AFF2: variants seen among roughly 807,000 people sequenced by gnomAD.
AFF2 encodes ALF transcription elongation factor 2.
AFF2 carries 14 observed loss-of-function variants against 76.9 expected under a neutral mutation model. The observed-to-expected ratio is 0.18, with a 90% CI of 0.12 to 0.28. The LOEUF is 0.28. AFF2 is among the 10% of genes least tolerant of loss of function. The pLI, the probability that AFF2 is intolerant of heterozygous loss-of-function variation, is 1.00. For missense variants in AFF2, 868 were observed against 1,001.1 expected (o/e 0.87, Z 1.79); for synonymous variants, 398 against 366.7 (o/e 1.09, Z -0.98).
intron 3 of AFF2, among the ~76,000 whole-genome samples, chrX:148,762,420 T>TATATATATATATATATATATATATACAC (rs1225408056): frequency 2.0e-5 from 2 of 101,121 alleles, no homozygotes; most frequent in African/African-American, 8.9e-5. Context: ...TATATATATA[T>TATATATATATATATATATATATATACAC]ACACATGCAC....
chrX:148,613,421 C>T (rs927040443), intron 1 of AFF2, among the ~76,000 whole-genome samples: 11 of 111,534 alleles, frequency 9.9e-5, no homozygotes, highest in African/African-American at 2.3e-4. Context: ...TGCTTGTCTA[C>T]GGATTGATCT....
intron 15 of AFF2, among the ~76,000 whole-genome samples, chrX:148,968,858 C>T (rs1557289176): frequency 8.9e-6 from 1 of 112,016 alleles, no homozygotes; most frequent in Non-Finnish European, 1.9e-5. Flanking sequence ...TGCCTGTGAC[C>T]ATTGTATAGG....
intron 3 of AFF2, among the ~76,000 whole-genome samples, chrX:148,798,485 G>A (rs950950377): frequency 1.8e-5 from 2 of 112,290 alleles, no homozygotes; most frequent in Non-Finnish European, 3.8e-5. Flanking sequence ...TTTGTCATTT[G>A]GGATTATTTC....
chrX:148,987,744 A>C (rs1428867065), intron 20 of AFF2, among the ~76,000 whole-genome samples, 187 bp downstream of exon 20: 1 of 111,662 alleles, frequency 9.0e-6, no homozygotes, highest in Non-Finnish European at 1.9e-5. Flanking sequence ...AGCATAAAAA[A>C]GCCCCGGAAT....
In AFF2 at chrX:148,930,944, T is replaced by C. The variant is rs973655303; in HGVS notation, c.1398-22636T>C. Among the ~76,000 whole-genome samples the C allele has an allele frequency of 6.2e-5, 7 of 112,055 alleles. No individual in the cohort carries two copies. The South Asian group carries it at 2.2e-3, about 36-fold the overall frequency. ...TACCACATTTTACAACTGGTTGTGCTAAGTGGACATTTAAGAATTCATATG... is the reference window on the plus strand; with the variant it reads ...TACCACATTTTACAACTGGTTGTGCCAAGTGGACATTTAAGAATTCATATG... On this transcript the variant is annotated intron_variant, in intron 9 of 20. Coordinates refer to ENST00000370460, the MANE Select transcript of AFF2 (RefSeq NM_002025.4).
intron 3 of AFF2, among the ~76,000 whole-genome samples, chrX:148,808,257 A>C (rs1427717426): frequency 9.0e-6 from 1 of 111,593 alleles, no homozygotes; most frequent in Admixed American, 9.5e-5. Flanking sequence ...TCACCTTCCT[A>C]TTGAGCCTGT....
chrX:148,705,905 C>G (rs1299596069), intron 3 of AFF2, among the ~76,000 whole-genome samples: 1 of 111,617 alleles, frequency 9.0e-6, no homozygotes, highest in East Asian at 2.8e-4. Flanking sequence ...AGAGATCCTT[C>G]TGACTGTGCA....
intron 3 of AFF2, among the ~76,000 whole-genome samples, chrX:148,729,574 C>A (rs998660729): frequency 1.8e-5 from 2 of 111,391 alleles, no homozygotes; most frequent in Non-Finnish European, 3.8e-5. Flanking sequence ...CATACCCAGG[C>A]TTTCATTCTG....
At chrX:148,684,698 C>G (rs2054583510) in intron 3 of AFF2, among the ~76,000 whole-genome samples, 1 of 111,933 alleles carries the variant, frequency 8.9e-6, no homozygotes, top group East Asian at 2.8e-4. Context: ...GCAAATGAAC[C>G]TCAATAAGCA....
chrX:148,986,383 A>G (rs1407364910), intron 19 of AFF2, among the ~76,000 whole-genome samples: 2 of 111,941 alleles, frequency 1.8e-5, no homozygotes, highest in Non-Finnish European at 3.8e-5. Context: ...TTCCTTAGGT[A>G]GCCAGATCTA....
At chrX:148,548,422 CTTTTA>C (rs1289287872) in intron 1 of AFF2, among the ~76,000 whole-genome samples, 5 of 111,854 alleles carry the variant, frequency 4.5e-5, no homozygotes, top group African/African-American at 9.7e-5. Flanking sequence ...AGCTGCTTCC[CTTTTA>C]TTTTATTTTA....
intron 9 of AFF2, among the ~76,000 whole-genome samples, chrX:148,924,578 T>C (rs1457639460): frequency 1.8e-5 from 2 of 112,056 alleles, no homozygotes; most frequent in Admixed American, 1.9e-4. Flanking sequence ...GTGTTGAGCC[T>C]CTACTCTGCT....
In AFF2 at chrX:148,998,055, G is replaced by A. The variant is rs2072626862; in HGVS notation, c.*6723G>A. ...TCTGAAGATTGTTTGCTGTAGTGTT[G>A]TCTTTGATAAAATGAATGTCAGTAG... On this transcript the variant is annotated 3_prime_UTR_variant, in exon 21 of 21. Coordinates refer to ENST00000370460, the MANE Select transcript of AFF2 (RefSeq NM_002025.4). The A allele has an allele frequency of 8.9e-6, 1 of 111,895 alleles. No homozygotes were observed. Among genetic ancestry groups the A allele is most frequent in the Middle Eastern group, 4.2e-3 (1 of 236 alleles). The allele number at this position is 111,895 out of a possible 1,213,427, so 9.2% of individuals were successfully genotyped here. A position where few individuals can be genotyped will look rare whatever the true frequency, so the allele number is the denominator to read the frequency against.
chrX:148,604,892 A>T (rs191776668), intron 1 of AFF2, among the ~76,000 whole-genome samples: 71 of 112,157 alleles, frequency 6.3e-4, no homozygotes, highest in Admixed American at 2.9e-3. Flanking sequence ...CAAATAAACT[A>T]TTAGCTAATT....
At chrX:148,615,982 A>C (rs1557250284) in intron 1 of AFF2, among the ~76,000 whole-genome samples, 1 of 111,825 alleles carries the variant, frequency 8.9e-6, no homozygotes, top group African/African-American at 3.2e-5. Flanking sequence ...TTTTTACTAA[A>C]AGTTTTCATT....
chrX:148,726,170 T>C (rs2124547146), intron 3 of AFF2, among the ~76,000 whole-genome samples: 1 of 112,212 alleles, frequency 8.9e-6, no homozygotes, highest in South Asian at 3.7e-4. Flanking sequence ...CTATGCTCTA[T>C]CCCTGCCATG....
intron 3 of AFF2, among the ~76,000 whole-genome samples, chrX:148,679,205 TA>T (rs1387114942): frequency 4.8e-5 from 5 of 103,264 alleles, no homozygotes; most frequent in African/African-American, 1.8e-4. Context: ...AGCTATAAAG[TA>T]AAAAAAGCAA....
In AFF2 at chrX:148,581,207, A is replaced by G. The variant is rs371228506; in HGVS notation, c.48-70792A>G. On this transcript the variant is annotated intron_variant, in intron 1 of 20. Coordinates refer to ENST00000370460, the MANE Select transcript of AFF2 (RefSeq NM_002025.4). ...CACACATATACATATACGTATACGT[A>G]TACACACATATATAATATACGTATA... is the stretch of plus-strand genomic sequence containing the variant. 2.8e-4 allele frequency among the ~76,000 whole-genome samples: 26 copies of G among 91,437 alleles called. 1 individual carries two copies. Among genetic ancestry groups the G allele is most frequent in the Non-Finnish European group, 4.9e-4 (22 of 45,120 alleles). The allele number at this position is 91,437 out of a possible 115,157, so 79.4% of individuals were successfully genotyped here.
intron 7 of AFF2, among the ~76,000 whole-genome samples, chrX:148,860,079 A>G (rs1454942675): frequency 1.8e-5 from 2 of 112,033 alleles, no homozygotes; most frequent in African/African-American, 6.5e-5. Flanking sequence ...GCTTGTCTTT[A>G]ATATTAACTA....
Sources: allele counts gnomAD v4.1 joint callset (sites outside exome capture counted in the v4.1 genomes callset), GRCh38; gene constraint gnomAD v4.1.1; transcripts MANE v1.5; gene names NCBI Gene and HGNC (gene_info 2026-07-23, HGNC 2026-07-21).